GFM1: variants seen among roughly 807,000 people sequenced by gnomAD.
GFM1 encodes the protein G elongation factor mitochondrial 1, also known as elongation factor G, mitochondrial.
In GFM1, 62 loss-of-function variants were observed where a neutral mutation model predicts 96.2. That is an observed-to-expected ratio of 0.64 (90% CI 0.53 to 0.80). The LOEUF (loss-of-function observed/expected upper bound fraction) is 0.80. Ranked by LOEUF, GFM1 falls within the 30% of genes least tolerant of loss-of-function variation. The pLI is 0.00. For missense variants in GFM1, 852 were observed against 916.6 expected, an observed-to-expected ratio of 0.93 and a Z score of 0.91; for synonymous variants, 282 against 312.9, an observed-to-expected ratio of 0.90 and a Z score of 1.04.
chr3:158,654,819 G>C (rs774284012), intron 8 of GFM1, among the ~76,000 whole-genome samples, 188 bp downstream of exon 8: 32 of 152,156 alleles, frequency 2.1e-4, no homozygotes, highest in Non-Finnish European at 4.1e-4. Flanking sequence ...TTTCTTTCTA[G>C]TCTCTTCTCT....
In GFM1 at chr3:158,692,264, A is replaced by G. The variant is rs767452323; in HGVS notation, c.*797A>G. ...TGTGAAGTAAAAAGTAGACCCTTGCATATACTATTCTTGTTTGTGTTCATC... is the reference window on the plus strand; with the variant it reads ...TGTGAAGTAAAAAGTAGACCCTTGCGTATACTATTCTTGTTTGTGTTCATC... On this transcript the variant is annotated 3_prime_UTR_variant, in exon 18 of 18. Transcript: ENST00000486715. 5.3e-5 allele frequency: 8 copies of G among 152,220 alleles called. No homozygotes were observed. Among genetic ancestry groups the G allele is most frequent in the Non-Finnish European group, 1.0e-4 (7 of 68,044 alleles). The allele number at this position is 152,220 out of a possible 1,614,324, so 9.4% of individuals were successfully genotyped here. A position where few individuals can be genotyped will look rare whatever the true frequency, so the allele number is the denominator to read the frequency against.
chr3:158,677,509 CTTTTTTT>C (rs35580697), intron 13 of GFM1, among the ~76,000 whole-genome samples: 1 of 151,352 alleles, frequency 6.6e-6, no homozygotes, highest in African/African-American at 2.4e-5. Flanking sequence ...TTTCTTTTTT[CTTTTTTT>C]TTGAAATGGA....
Position 158,691,123 on chromosome 3 carries a change from CTA to C in GFM1, c.2071-14_2071-13del, listed in dbSNP as rs773688582. ...CCAATAAGCAGTGCTAAAATATCTA[CTA>C]TGTTTGTTTTCAGGTCCCTCTAAAT... On this transcript the variant is annotated splice_polypyrimidine_tract_variant and intron_variant, in intron 16 of 17. Coordinates refer to ENST00000486715, the MANE Select transcript of GFM1 (RefSeq NM_024996.7). 2 of 1,582,116 alleles carry C rather than the reference CTA, an allele frequency of 1.3e-6. No individual in the cohort carries two copies. The highest frequency in any genetic ancestry group is 1.3e-5 in the African/African-American group (1 of 74,196).
At chr3:158,645,869 A>G in intron 2 of GFM1, 88 bp downstream of exon 2, 1 of 1,238,350 alleles carries the variant, frequency 8.1e-7, no homozygotes, top group Non-Finnish European at 1.2e-6. Flanking sequence ...TAAACCTGAA[A>G]GATTAAAACA....
At position 158,691,241 on chromosome 3, in the gene GFM1, C is replaced by T. The variant is rs377218453; in HGVS notation, c.2124+49C>T. The T allele has an allele frequency of 1.9e-6, 3 of 1,601,852 alleles. No individual in the cohort carries two copies. In the African/African-American group the frequency reaches 4.0e-5, roughly 21 times the overall value. ...TCAAAAGACCACCCTACAGAATGAT[C>T]ATATTATAAAATCTTGACCTTGTAT... On this transcript the variant is annotated intron_variant, in intron 17 of 17. Coordinates refer to ENST00000486715, the MANE Select transcript of GFM1 (RefSeq NM_024996.7).
chr3:158,661,120 G>C, intron 10 of GFM1, 145 bp downstream of exon 10: 2 of 704,212 alleles, frequency 2.8e-6, no homozygotes, highest in Non-Finnish European at 5.2e-6. Flanking sequence ...CTCTTTGAAT[G>C]TTGGTTATAG....
chr3:158,675,160 G>A (rs1426035981), intron 13 of GFM1, among the ~76,000 whole-genome samples: 1 of 148,124 alleles, frequency 6.8e-6, no homozygotes, highest in Non-Finnish European at 1.5e-5. Flanking sequence ...GGCGGCGGGC[G>A]CCTGTAATCC....
chr3:158,691,245 T>C, intron 17 of GFM1, 53 bp downstream of exon 17: 9 of 1,602,402 alleles, frequency 5.6e-6, no homozygotes, highest in Non-Finnish European at 7.7e-6. Context: ...AATGATCATA[T>C]TATAAAATCT....
intron 9 of GFM1, chr3:158,660,609 A>G (rs1015330330): frequency 2.3e-6 from 1 of 439,264 alleles, no homozygotes; most frequent in Non-Finnish European, 4.2e-6. Context: ...TGTTGTTAGT[A>G]CTGCAGCTCC....
intron 13 of GFM1, among the ~76,000 whole-genome samples, chr3:158,675,015 G>A (rs1176860436): frequency 3.3e-5 from 5 of 152,000 alleles, no homozygotes; most frequent in South Asian, 2.1e-4. Flanking sequence ...ACGGCCGGGA[G>A]CAGTGGCTCA....
chr3:158,669,255 C>G (rs1367732189), intron 13 of GFM1: 1 of 1,226,154 alleles, frequency 8.2e-7, no homozygotes, highest in African/African-American at 1.6e-5. Context: ...TTTAATTAAG[C>G]TATGGATCTA....
chr3:158,682,576 A>G (rs1725492726), intron 14 of GFM1: 1 of 186,518 alleles, frequency 5.4e-6, no homozygotes, highest in Non-Finnish European at 1.1e-5. Context: ...ATCAGTATTC[A>G]GAACTGTTTC....
Position 158,654,407 on chromosome 3 carries a change from G to C in GFM1, c.999-140G>C, listed in dbSNP as rs999922053. ...AACTTATTTCTATTGATCTCTTTCA[G>C]TGAAATTTTACTTATGTGTGACAGC... On this transcript the variant is annotated intron_variant, in intron 7 of 17. Transcript: ENST00000486715. 9.9e-6 allele frequency: 6 copies of C among 606,312 alleles called. No homozygotes were observed. The Admixed American group carries it at 1.1e-4, about 11-fold the overall frequency. 37.6% of individuals were successfully genotyped at this position (606,312 alleles called of 1,614,324 possible). A position where few individuals can be genotyped will look rare whatever the true frequency, so the allele number is the denominator to read the frequency against.
Position 158,646,273 on chromosome 3 carries a change from A to C in GFM1, c.343A>C (p.Asn115His). The C allele has an allele frequency of 6.2e-7, 1 of 1,614,118 alleles. No homozygotes were observed. Among genetic ancestry groups the C allele is most frequent in the Non-Finnish European group, 8.5e-7 (1 of 1,179,950 alleles). The change falls in exon 3 of 18, where the codon AAT becomes CAT. Residue 115 changes from asparagine (N) to histidine (H), a missense_variant. By Grantham distance (68) the Asn-to-His change is moderately conservative. Transcript: ENST00000486715. Reference sequence around the variant, plus strand: ...CACTTACACCATGTGGAAAGATGTCAATATTAACATTATAGATACTCCTGG... The same window carrying C: ...CACTTACACCATGTGGAAAGATGTCCATATTAACATTATAGATACTCCTGG... ...AATYTMWKDV[N>H]INIIDTPGHV...
chr3:158,684,171 G>A lies in GFM1; in HGVS notation c.1765-353G>A, dbSNP rs143668130. On this transcript the variant is annotated intron_variant, in intron 14 of 17. Transcript: ENST00000486715. The stretch of plus-strand genomic sequence containing the variant: ...AATTGTGAGAACATATGGACACATA[G>A]AGGGGAACAACACACACTGGAGCCT... 3.7e-3 allele frequency among the ~76,000 whole-genome samples: 568 copies of A among 152,204 alleles called. 3 individuals carry two copies. The highest frequency in any genetic ancestry group is 0.013 in the African/African-American group (525 of 41,524).
chr3:158,645,642 C>G lies in GFM1; in HGVS notation c.95C>G (p.Ala32Gly), dbSNP rs754056747. The part of the protein sequence containing the change: ...GWQRKQVNWK[A>G]CRWSSSGVIP... ...TATTTTTTTCAGGTTAATTGGAAGG[C>G]CTGCCGATGGTCTTCATCAGGGGTG... The change falls in exon 2 of 18, where the codon GCC (alanine) becomes GGC (glycine). Residue 32 changes from alanine (A) to glycine (G), a missense_variant. Coordinates refer to ENST00000486715, the MANE Select transcript of GFM1 (RefSeq NM_024996.7). 5.0e-6 allele frequency: 8 copies of G among 1,612,514 alleles called. No homozygotes were observed. The Middle Eastern group carries it at 5.0e-4, about 100-fold the overall frequency.
intron 13 of GFM1, among the ~76,000 whole-genome samples, chr3:158,674,365 C>T (rs185942093): frequency 7.9e-5 from 12 of 152,184 alleles, no homozygotes; most frequent in Non-Finnish European, 1.2e-4. Context: ...GGCCTCTCCA[C>T]GTTTCTTAGT....
chr3:158,671,431 C>T (rs1724292030), intron 13 of GFM1, among the ~76,000 whole-genome samples: 2 of 152,184 alleles, frequency 1.3e-5, no homozygotes, highest in Admixed American at 6.5e-5. Flanking sequence ...ATGTGAATTT[C>T]ATTTTGAGGC....
intron 12 of GFM1, 68 bp from the exon 13 acceptor site, chr3:158,666,236 G>A: frequency 1.9e-6 from 2 of 1,057,956 alleles, no homozygotes; most frequent in Non-Finnish European, 2.9e-6. Context: ...AGATATATAA[G>A]ATGCTTAGGA....
Sources: gnomAD v4.1 joint callset for allele counts (sites outside exome capture counted in the v4.1 genomes callset) on GRCh38, gnomAD v4.1.1 for gene constraint, MANE v1.5 for transcripts, NCBI Gene and HGNC (gene_info 2026-07-23, HGNC 2026-07-21) for gene names.